PPM1H: variants seen among roughly 807,000 people sequenced by gnomAD.
PPM1H encodes the protein protein phosphatase 1H.
In PPM1H, 27 loss-of-function variants were observed where a neutral mutation model predicts 54.9. The observed-to-expected ratio is 0.49, with a 90% CI of 0.36 to 0.68. The LOEUF (loss-of-function observed/expected upper bound fraction) is 0.68, where lower values mean the gene tolerates loss of function less well. Ranked by LOEUF, PPM1H falls within the 30% of genes least tolerant of loss-of-function variation. PPM1H has a pLI of 0.00. For missense variants in PPM1H, 596 were observed against 667.8 expected (o/e 0.89, Z 1.19); for synonymous variants, 305 against 270.8 (o/e 1.13, Z -1.24).
At chr12:62,736,229 T>C (rs1414786264) in intron 5 of PPM1H, among the ~76,000 whole-genome samples, 1 of 152,166 alleles carries the variant, frequency 6.6e-6, no homozygotes, top group Non-Finnish European at 1.5e-5. Flanking sequence ...CAGCTCTCCA[T>C]TTCACAAGTG....
At chr12:62,716,451 G>T (rs902086961) in intron 6 of PPM1H, among the ~76,000 whole-genome samples, 3 of 152,178 alleles carry the variant, frequency 2.0e-5, no homozygotes, top group African/African-American at 7.2e-5. Flanking sequence ...TTACCATGAT[G>T]ATTAGTGGAA....
chr12:62,762,513 AC>A (rs1177418326), intron 4 of PPM1H, among the ~76,000 whole-genome samples: 5 of 152,170 alleles, frequency 3.3e-5, no homozygotes, highest in African/African-American at 4.8e-5. Context: ...ACTTATGCAT[AC>A]CCCGAAAATG....
chr12:62,695,412 G>A (rs973609504), intron 6 of PPM1H, among the ~76,000 whole-genome samples: 1 of 152,200 alleles, frequency 6.6e-6, no homozygotes, highest in Non-Finnish European at 1.5e-5. Context: ...ATAGGGAAAT[G>A]AATGTGGAGA....
At chr12:62,681,183 T>A (rs1217537237) in intron 8 of PPM1H, among the ~76,000 whole-genome samples, 2 of 152,226 alleles carry the variant, frequency 1.3e-5, no homozygotes, top group African/African-American at 4.8e-5. Context: ...TCTATTTTTT[T>A]AATTGGTTCA....
At chr12:62,791,438 T>TA (rs200703830) in intron 3 of PPM1H, among the ~76,000 whole-genome samples, 2,771 of 152,300 alleles carry the variant, frequency 0.018, 80 homozygotes, top group African/African-American at 0.064. Context: ...GCTACTTTTT[T>TA]TGCATTTAAA....
intron 5 of PPM1H, among the ~76,000 whole-genome samples, chr12:62,731,846 C>G (rs1451516114): frequency 6.6e-6 from 1 of 152,114 alleles, no homozygotes; most frequent in Non-Finnish European, 1.5e-5. Flanking sequence ...TACCTCAGGG[C>G]TATGGATGTC....
At chr12:62,802,667 G>A (rs1163086626) in intron 2 of PPM1H, among the ~76,000 whole-genome samples, 1 of 151,668 alleles carries the variant, frequency 6.6e-6, no homozygotes, top group Non-Finnish European at 1.5e-5. Context: ...AGGTTCAAGC[G>A]ATTCTCATGC....
intron 4 of PPM1H, among the ~76,000 whole-genome samples, chr12:62,780,755 T>C (rs555311555): frequency 1.3e-5 from 2 of 152,256 alleles, no homozygotes; most frequent in Admixed American, 1.3e-4. Flanking sequence ...ACCTACACAT[T>C]AGATGATCAG....
chr12:62,828,346 C>T (rs1028020420), intron 2 of PPM1H, among the ~76,000 whole-genome samples: 1 of 152,220 alleles, frequency 6.6e-6, no homozygotes, highest in Non-Finnish European at 1.5e-5. Flanking sequence ...TCTGCTCCAA[C>T]CACACAGACC....
At chr12:62,784,995 T>C (rs1446680208) in intron 4 of PPM1H, among the ~76,000 whole-genome samples, 1 of 152,186 alleles carries the variant, frequency 6.6e-6, no homozygotes, top group Non-Finnish European at 1.5e-5. Context: ...ATCTGGATAC[T>C]GGGACTAGAA....
intron 2 of PPM1H, among the ~76,000 whole-genome samples, chr12:62,818,626 A>G (rs2120803641): frequency 6.6e-6 from 1 of 152,108 alleles, no homozygotes; most frequent in Non-Finnish European, 1.5e-5. Context: ...AGGCATGTCA[A>G]GAGGCTTGCA....
In PPM1H at chr12:62,935,046, T is replaced by C. The variant is rs1429276205; in HGVS notation, c.-310A>G. On this transcript the variant is annotated 5_prime_UTR_variant, in exon 1 of 10. Transcript: ENST00000228705. ...GCGGCTGCAGCTGCAGCAGGTCCCTTCCCCGCCCCCTGCGCTCGGCTCCGG... is the reference window on the plus strand; with the variant it reads ...GCGGCTGCAGCTGCAGCAGGTCCCTCCCCCGCCCCCTGCGCTCGGCTCCGG... 2.8e-5 allele frequency: 5 copies of C among 181,218 alleles called. No homozygotes were observed. The highest frequency in any genetic ancestry group is 5.7e-5 in the Non-Finnish European group (5 of 87,522). The allele number at this position is 181,218 out of a possible 1,614,324, so 11.2% of individuals were successfully genotyped here.
Position 62,737,032 on chromosome 12 carries a change from A to T in PPM1H, c.954+470T>A, listed in dbSNP as rs571571186. ...GCACCTTTTCCAAAGGGCCTGTAAG[A>T]CTTCATATCTGAGCATGAAGTAGTG... is the stretch of plus-strand genomic sequence containing the variant. On this transcript the variant is annotated intron_variant, in intron 5 of 9. Coordinates refer to ENST00000228705, the MANE Select transcript of PPM1H (RefSeq NM_020700.2). 2.0e-5 allele frequency among the ~76,000 whole-genome samples: 3 copies of T among 152,214 alleles called. No homozygotes were observed. The South Asian group carries it at 6.2e-4, about 32-fold the overall frequency.
intron 4 of PPM1H, among the ~76,000 whole-genome samples, chr12:62,787,333 CG>C (rs1347180330): frequency 2.0e-5 from 3 of 152,052 alleles, no homozygotes; most frequent in Non-Finnish European, 2.9e-5. Flanking sequence ...CACAGCCCTT[CG>C]GGGGGAAGAG....
chr12:62,672,210 C>G (rs557089346), intron 8 of PPM1H, among the ~76,000 whole-genome samples: 2 of 152,326 alleles, frequency 1.3e-5, no homozygotes, highest in Admixed American at 1.3e-4. Context: ...CCTGTCTCAG[C>G]AGAATCTGAA....
intron 8 of PPM1H, 63 bp from the exon 9 acceptor site, chr12:62,667,392 C>G: frequency 1.5e-6 from 2 of 1,364,466 alleles, no homozygotes; most frequent in Admixed American, 2.4e-5. Context: ...CCCTAACAAA[C>G]TGACTTCTGA....
intron 1 of PPM1H, among the ~76,000 whole-genome samples, chr12:62,839,884 A>AAAAAACAAAAAAC (rs761102672): frequency 0.041 from 6,138 of 150,210 alleles, 151 homozygotes; most frequent in Middle Eastern, 0.073. Context: ...CAAAAAAAAA[A>AAAAAACAAAAAAC]AAAAAACACC....
intron 5 of PPM1H, among the ~76,000 whole-genome samples, chr12:62,724,610 C>A (rs1407410460): frequency 6.6e-6 from 1 of 152,128 alleles, no homozygotes; most frequent in African/African-American, 2.4e-5. Flanking sequence ...ACACACAGAG[C>A]CTTTCATGAT....
At chr12:62,800,326 T>G (rs1365269787) in intron 3 of PPM1H, among the ~76,000 whole-genome samples, 6 of 77,956 alleles carry the variant, frequency 7.7e-5, no homozygotes, top group Admixed American at 2.2e-4. Flanking sequence ...AATCTCCAGG[T>G]TTTTTTTTTT....
Sources: gnomAD v4.1 joint callset for allele counts (sites outside exome capture counted in the v4.1 genomes callset) on GRCh38, gnomAD v4.1.1 for gene constraint, MANE v1.5 for transcripts, NCBI Gene and HGNC (gene_info 2026-07-23, HGNC 2026-07-21) for gene names.